NRXN3: variants seen among roughly 807,000 people sequenced by gnomAD.
NRXN3 encodes the protein neurexin III.
A neutral mutation model predicts 137.6 loss-of-function variants in NRXN3; 32 were observed. The observed-to-expected ratio is 0.23, with a 90% CI of 0.18 to 0.31. NRXN3 has a LOEUF of 0.31. Ranked by LOEUF, NRXN3 falls within the 10% of genes least tolerant of loss-of-function variation. NRXN3 has a pLI of 1.00. For missense variants in NRXN3, 1,574 were observed against 2,062.5 expected (o/e 0.76, Z 4.59); for synonymous variants, 798 against 784.5 (o/e 1.02, Z -0.29).
At chr14:79,123,586 GT>G (rs2055866801) in intron 15 of NRXN3, among the ~76,000 whole-genome samples, 1 of 152,114 alleles carries the variant, frequency 6.6e-6, no homozygotes, top group Admixed American at 6.5e-5. Flanking sequence ...ATAAGAAACT[GT>G]CCCCTCTCAA....
At chr14:79,781,765 C>T (rs2099114662) in intron 19 of NRXN3, among the ~76,000 whole-genome samples, 1 of 152,186 alleles carries the variant, frequency 6.6e-6, no homozygotes, top group Admixed American at 6.5e-5. Context: ...ACCACCAAAG[C>T]TAATAGTCAA....
chr14:78,717,113 C>T (rs566753796), intron 8 of NRXN3, among the ~76,000 whole-genome samples: 2 of 152,284 alleles, frequency 1.3e-5, no homozygotes, highest in South Asian at 4.1e-4. Flanking sequence ...GTATAAAGGT[C>T]ATCTCAGACA....
At chr14:78,476,714 C>G (rs1456583515) in intron 4 of NRXN3, among the ~76,000 whole-genome samples, 1 of 151,994 alleles carries the variant, frequency 6.6e-6, no homozygotes, top group African/African-American at 2.4e-5. Flanking sequence ...CCCAGCACCC[C>G]TGAGATAATT....
intron 4 of NRXN3, among the ~76,000 whole-genome samples, chr14:78,343,627 T>G (rs1376604519): frequency 6.6e-6 from 1 of 152,152 alleles, no homozygotes; most frequent in African/African-American, 2.4e-5. Flanking sequence ...ACTGCAAGAG[T>G]GTGTGACAAA....
At chr14:79,293,531 T>C (rs1367203656) in intron 15 of NRXN3, among the ~76,000 whole-genome samples, 1 of 152,272 alleles carries the variant, frequency 6.6e-6, no homozygotes, top group Non-Finnish European at 1.5e-5. Context: ...CTTCGCTGTT[T>C]AGTCTCTTTC....
At position 79,682,761 on chromosome 14, in the gene NRXN3, G is replaced by A. The variant is rs1292020302; in HGVS notation, c.3617-9412G>A. Among the ~76,000 whole-genome samples, 4 of 151,906 alleles carry A rather than the reference G, an allele frequency of 2.6e-5. No individual in the cohort carries two copies. The East Asian group carries it at 7.7e-4, about 29-fold the overall frequency. ...GGTCTCCACAACCTAAAAATGATGG[G>A]CTCCTTCTCTCAAATTATAAGCTAT... On this transcript the variant is annotated intron_variant, in intron 17 of 20. Coordinates refer to ENST00000335750, the MANE Select transcript of NRXN3 (RefSeq NM_001330195.2).
chr14:78,183,420 A>G (rs982205883), intron 1 of NRXN3, among the ~76,000 whole-genome samples: 3 of 152,186 alleles, frequency 2.0e-5, no homozygotes, highest in African/African-American at 7.2e-5. Context: ...TGAGCTGACC[A>G]GTAGATGTGA....
intron 15 of NRXN3, among the ~76,000 whole-genome samples, chr14:79,010,586 C>T (rs1168848649): frequency 6.6e-6 from 1 of 152,034 alleles, no homozygotes; most frequent in Non-Finnish European, 1.5e-5. Context: ...TTTGTTCTGC[C>T]TTTATTGACA....
intron 19 of NRXN3, among the ~76,000 whole-genome samples, chr14:79,726,412 G>C (rs550214170): frequency 6.6e-6 from 1 of 152,146 alleles, no homozygotes; most frequent in East Asian, 1.9e-4. Context: ...TAACAATTTG[G>C]CTAGCAGAAT....
chr14:79,641,262 C>A (rs1281265237), intron 16 of NRXN3, among the ~76,000 whole-genome samples: 1 of 134,980 alleles, frequency 7.4e-6, no homozygotes, highest in African/African-American at 2.5e-5. Context: ...CCCACCTCAG[C>A]CTCCCAAAGT....
At chr14:79,243,389 G>A (rs2074616321) in intron 15 of NRXN3, among the ~76,000 whole-genome samples, 1 of 152,140 alleles carries the variant, frequency 6.6e-6, no homozygotes, top group Non-Finnish European at 1.5e-5. Context: ...CCTGAGCAGG[G>A]TATTAACTAA....
At chr14:78,809,910 G>A (rs1482152597) in intron 9 of NRXN3, among the ~76,000 whole-genome samples, 1 of 151,864 alleles carries the variant, frequency 6.6e-6, no homozygotes. Flanking sequence ...GAGGAAAATA[G>A]AATATAACCT....
intron 16 of NRXN3, among the ~76,000 whole-genome samples, chr14:79,605,814 A>T: frequency 6.6e-6 from 1 of 152,152 alleles, no homozygotes; most frequent in Admixed American, 6.5e-5. Flanking sequence ...GATGGCCATC[A>T]CTGGTACAAC....
chr14:79,403,337 C>T (rs1050059740), intron 15 of NRXN3, among the ~76,000 whole-genome samples: 5 of 152,036 alleles, frequency 3.3e-5, no homozygotes, highest in African/African-American at 4.8e-5. Context: ...TGATAAAGAA[C>T]ATTTTTAGAT....
At chr14:78,280,235 G>A (rs74926470) in intron 3 of NRXN3, among the ~76,000 whole-genome samples, 2,436 of 152,122 alleles carry the variant, frequency 0.016, 65 homozygotes, top group African/African-American at 0.055. Flanking sequence ...AAATGTACAC[G>A]CAGACACACA....
At chr14:78,341,571 A>T (rs1162130854) in intron 4 of NRXN3, among the ~76,000 whole-genome samples, 1 of 152,046 alleles carries the variant, frequency 6.6e-6, no homozygotes, top group Non-Finnish European at 1.5e-5. Flanking sequence ...AGTGGATAGG[A>T]TTTGGCCTGT....
intron 4 of NRXN3, among the ~76,000 whole-genome samples, chr14:78,427,089 G>T (rs1003533098): frequency 6.6e-5 from 10 of 152,096 alleles, no homozygotes; most frequent in African/African-American, 2.4e-4. Context: ...AGGGTCAAGG[G>T]GAAGGTAAGG....
chr14:78,277,431 A>C (rs142045692), intron 2 of NRXN3, among the ~76,000 whole-genome samples: 1 of 152,304 alleles, frequency 6.6e-6, no homozygotes, highest in East Asian at 1.9e-4. Context: ...CAGTTGAATG[A>C]ATGATGGACT....
At chr14:78,501,801 G>T (rs915806258) in intron 4 of NRXN3, among the ~76,000 whole-genome samples, 4 of 152,068 alleles carry the variant, frequency 2.6e-5, no homozygotes, top group African/African-American at 7.2e-5. Flanking sequence ...GGGGGCAGGG[G>T]GTGGAAGCAT....
Sources: allele counts gnomAD v4.1 joint callset (sites outside exome capture counted in the v4.1 genomes callset), GRCh38; gene constraint gnomAD v4.1.1; transcripts MANE v1.5; gene names NCBI Gene and HGNC (gene_info 2026-07-23, HGNC 2026-07-21).